Variants in ROBO2 observed in about 807,000 individuals in gnomAD.
The protein encoded by ROBO2 is roundabout guidance receptor 2.
ROBO2 carries 53 observed loss-of-function variants against 160.8 expected under a neutral mutation model. The observed-to-expected ratio is 0.33, with a 90% confidence interval of 0.26 to 0.41. The LOEUF is 0.41. Among genes scored for constraint, ROBO2 ranks in the 10% least tolerant of loss-of-function variants. The probability of loss-of-function intolerance (pLI) is 1.00; values close to 1 mark genes in which losing one functional copy is unlikely to be tolerated. For synonymous variants in ROBO2, 664 were observed against 611.7 expected, an observed-to-expected ratio of 1.09 and a Z score of -1.26; for missense variants, 1,577 against 1,722.4, an observed-to-expected ratio of 0.92 and a Z score of 1.49.
chr3:76,554,354 A>G (rs1016579142), intron 2 of ROBO2, among the ~76,000 whole-genome samples: 6 of 152,214 alleles, frequency 3.9e-5, no homozygotes, highest in African/African-American at 9.6e-5. Context: ...GACATGAAGT[A>G]CAGTAGGAAC....
chr3:76,566,406 T>G (rs549846405), intron 2 of ROBO2, among the ~76,000 whole-genome samples: 1 of 152,252 alleles, frequency 6.6e-6, no homozygotes, highest in East Asian at 1.9e-4. Flanking sequence ...ACACCAGGGA[T>G]TTCCTCGGGC....
At chr3:77,455,737 CTTT>C (rs11342818) in intron 2 of ROBO2, among the ~76,000 whole-genome samples, 1 of 146,114 alleles carries the variant, frequency 6.8e-6, no homozygotes, top group African/African-American at 2.5e-5. Flanking sequence ...GCCTTATACT[CTTT>C]TTTTTTTTTT....
chr3:77,392,446 G>T (rs13083358), intron 2 of ROBO2, among the ~76,000 whole-genome samples: 48,940 of 152,072 alleles, frequency 0.32, 8,154 homozygotes, highest in East Asian at 0.46. Flanking sequence ...CAGAAAGTTT[G>T]CTGAATCTAC....
intron 2 of ROBO2, among the ~76,000 whole-genome samples, chr3:76,857,270 C>A (rs916308698): frequency 6.6e-6 from 1 of 152,158 alleles, no homozygotes; most frequent in East Asian, 1.9e-4. Flanking sequence ...CAGGTGTGAG[C>A]GAATGCATGT....
chr3:76,957,211 G>A (rs772707568), intron 2 of ROBO2, among the ~76,000 whole-genome samples: 2 of 151,618 alleles, frequency 1.3e-5, no homozygotes, highest in Non-Finnish European at 2.9e-5. Context: ...TATCTGTACT[G>A]TGGTTTTGAT....
chr3:76,108,454 CTTATA>C (rs1459963011), intron 2 of ROBO2, among the ~76,000 whole-genome samples: 1 of 151,890 alleles, frequency 6.6e-6, no homozygotes, highest in African/African-American at 2.4e-5. Context: ...CACTGTGACT[CTTATA>C]TTCATATCAA....
intron 12 of ROBO2, among the ~76,000 whole-genome samples, chr3:77,565,947 A>G (rs2093466919): frequency 6.6e-6 from 1 of 152,088 alleles, no homozygotes; most frequent in Non-Finnish European, 1.5e-5. Context: ...AGTAGGAAAA[A>G]GAAATTAATA....
chr3:77,220,915 A>C (rs1192674183), intron 2 of ROBO2, among the ~76,000 whole-genome samples: 7 of 152,220 alleles, frequency 4.6e-5, no homozygotes, highest in Non-Finnish European at 1.0e-4. Flanking sequence ...AGTAGAAACC[A>C]TACTTTTTCT....
At chr3:76,782,270 C>T (rs564006121) in intron 2 of ROBO2, among the ~76,000 whole-genome samples, 19 of 150,804 alleles carry the variant, frequency 1.3e-4, no homozygotes, top group African/African-American at 3.9e-4. Context: ...TTTAATCTTT[C>T]GAAATCAGTT....
Position 76,335,832 on chromosome 3 carries a change from T to C in ROBO2, c.109+398230T>C, listed in dbSNP as rs181678549. Among the ~76,000 whole-genome samples, 512 of 152,272 alleles carry C rather than the reference T, an allele frequency of 3.4e-3. 6 individuals carry two copies. The highest frequency in any genetic ancestry group is 0.024 in the Admixed American group (372 of 15,288). ...ACCTTGTGATCCGCCCGCCTCGTCCTCCCAAAGTGTTGGGATTACAGGTGT... is the reference window on the plus strand; with the variant it reads ...ACCTTGTGATCCGCCCGCCTCGTCCCCCCAAAGTGTTGGGATTACAGGTGT... On this transcript the variant is annotated intron_variant, in intron 2 of 26. Transcript: ENST00000487694.
chr3:76,805,671 CGTGTGTGTGTGT>C (rs71673124), intron 2 of ROBO2, among the ~76,000 whole-genome samples: 1 of 146,204 alleles, frequency 6.8e-6, no homozygotes, highest in African/African-American at 2.5e-5. Context: ...TATTGGAATA[CGTGTGTGTGTGT>C]GTGTGTGTGT....
At chr3:75,928,558 G>GTT (rs1947386117) in intron 1 of ROBO2, among the ~76,000 whole-genome samples, 1 of 152,120 alleles carries the variant, frequency 6.6e-6, no homozygotes, top group Non-Finnish European at 1.5e-5. Context: ...TCAGTCCTGG[G>GTT]TTACTTCTTG....
At chr3:76,205,300 G>A (rs1702747136) in intron 2 of ROBO2, among the ~76,000 whole-genome samples, 1 of 152,114 alleles carries the variant, frequency 6.6e-6, no homozygotes, top group African/African-American at 2.4e-5. Flanking sequence ...TCAAATAAGA[G>A]GAGTAGATTT....
intron 2 of ROBO2, among the ~76,000 whole-genome samples, chr3:76,730,222 A>C (rs1576287677): frequency 2.9e-5 from 2 of 69,114 alleles, no homozygotes; most frequent in African/African-American, 4.7e-5. Context: ...CCTACTCCCT[A>C]CCCACCTCTC....
chr3:77,520,601 T>C (rs2090495766), intron 5 of ROBO2, among the ~76,000 whole-genome samples: 1 of 151,174 alleles, frequency 6.6e-6, no homozygotes, highest in Non-Finnish European at 1.5e-5. Context: ...TTATCTCCCC[T>C]CTTGTAGCTC....
intron 2 of ROBO2, among the ~76,000 whole-genome samples, chr3:76,384,540 G>A (rs1384381259): frequency 1.3e-5 from 2 of 152,164 alleles, no homozygotes; most frequent in African/African-American, 4.8e-5. Context: ...GCATGTATTA[G>A]TCTGTTCTCA....
intron 2 of ROBO2, among the ~76,000 whole-genome samples, chr3:76,293,713 A>G (rs936692517): frequency 6.6e-6 from 1 of 152,316 alleles, no homozygotes; most frequent in South Asian, 2.1e-4. Flanking sequence ...ACCCTTCTAA[A>G]GCCTCAAGAT....
chr3:76,582,998 T>A (rs1420009247), intron 2 of ROBO2, among the ~76,000 whole-genome samples: 1 of 150,530 alleles, frequency 6.6e-6, no homozygotes, highest in African/African-American at 2.4e-5. Context: ...AATGTTTCCT[T>A]GGTGTGTGTT....
chr3:77,044,166 T>TAA (rs34879795), intron 1 of ROBO2, among the ~76,000 whole-genome samples: 15 of 146,438 alleles, frequency 1.0e-4, no homozygotes, highest in African/African-American at 2.0e-4. Flanking sequence ...AAAAATATTG[T>TAA]AAAAAAAAAA....
Sources: gnomAD v4.1 joint callset for allele counts (sites outside exome capture counted in the v4.1 genomes callset) on GRCh38, gnomAD v4.1.1 for gene constraint, MANE v1.5 for transcripts, NCBI Gene and HGNC (gene_info 2026-07-23, HGNC 2026-07-21) for gene names.